Variants in ACOXL observed in about 807,000 individuals in gnomAD.
The protein encoded by ACOXL is acyl-CoA oxidase like.
Under a neutral mutation model 71.9 loss-of-function variants are expected in ACOXL, and 70 were observed. The ratio of observed to expected loss-of-function variants is 0.97; its 90% CI spans 0.80 to 1.19. ACOXL has a LOEUF of 1.19. Among genes scored for constraint, ACOXL ranks in the 50% most tolerant of loss-of-function variants. The pLI, the probability that ACOXL is intolerant of heterozygous loss-of-function variation, is 0.00. For synonymous variants in ACOXL, 253 were observed against 281.6 expected (o/e 0.90, Z 1.02); for missense variants, 703 against 736.3 (o/e 0.95, Z 0.52).
At chr2:110,900,970 C>T (rs2059209796) in intron 10 of ACOXL, among the ~76,000 whole-genome samples, 1 of 152,218 alleles carries the variant, frequency 6.6e-6, no homozygotes, top group African/African-American at 2.4e-5. Flanking sequence ...CTTCTGTGGT[C>T]TCCACGGGGG....
intron 12 of ACOXL, among the ~76,000 whole-genome samples, chr2:110,939,118 A>G (rs913985584): frequency 5.9e-5 from 9 of 152,290 alleles, no homozygotes; most frequent in Non-Finnish European, 1.2e-4. Flanking sequence ...ACTACTCTAA[A>G]CATAGGGCCC....
At chr2:110,954,742 C>G (rs987777398) in intron 12 of ACOXL, among the ~76,000 whole-genome samples, 2 of 152,172 alleles carry the variant, frequency 1.3e-5, no homozygotes, top group African/African-American at 4.8e-5. Flanking sequence ...TTACCAATTT[C>G]TTTGCTCACA....
At chr2:110,998,512 G>C (rs564680587) in intron 14 of ACOXL, among the ~76,000 whole-genome samples, 8 of 152,182 alleles carry the variant, frequency 5.3e-5, no homozygotes, top group Non-Finnish European at 1.0e-4. Context: ...TGCGAATTGC[G>C]CCTTGGTTTG....
chr2:111,092,313 A>C (rs1163675817), intron 16 of ACOXL, among the ~76,000 whole-genome samples: 2 of 152,200 alleles, frequency 1.3e-5, no homozygotes, highest in East Asian at 3.9e-4. Flanking sequence ...AAACTCATTT[A>C]TTGTTGCTTG....
intron 16 of ACOXL, among the ~76,000 whole-genome samples, chr2:111,060,710 A>G (rs2066772054): frequency 6.6e-6 from 1 of 152,260 alleles, no homozygotes; most frequent in Non-Finnish European, 1.5e-5. Flanking sequence ...AATTATCTGG[A>G]AAAGGTTTTA....
At chr2:110,834,761 A>T in intron 9 of ACOXL, among the ~76,000 whole-genome samples, 1 of 152,234 alleles carries the variant, frequency 6.6e-6, no homozygotes. Flanking sequence ...TCTGACCACC[A>T]AAGTCCCCAG....
chr2:110,793,776 C>G, intron 4 of ACOXL, 40 bp downstream of exon 4: 1 of 1,519,334 alleles, frequency 6.6e-7, no homozygotes, highest in Non-Finnish European at 9.1e-7. Flanking sequence ...TATGGAGAGC[C>G]TTAAAAATCT....
intron 12 of ACOXL, among the ~76,000 whole-genome samples, chr2:110,933,984 A>C (rs1158031047): frequency 6.6e-6 from 1 of 152,162 alleles, no homozygotes; most frequent in South Asian, 2.1e-4. Context: ...CCCTTGGGAG[A>C]ACACAGGAAA....
chr2:110,940,959 A>G (rs2060846723), intron 12 of ACOXL, among the ~76,000 whole-genome samples: 1 of 152,232 alleles, frequency 6.6e-6, no homozygotes, highest in Non-Finnish European at 1.5e-5. Context: ...TCTGAGTTCT[A>G]ATTTTTCAAA....
At chr2:111,086,786 TAGTC>T (rs1406127293) in intron 16 of ACOXL, among the ~76,000 whole-genome samples, 1 of 152,062 alleles carries the variant, frequency 6.6e-6, no homozygotes, top group Non-Finnish European at 1.5e-5. Context: ...CTGCTTAACA[TAGTC>T]AGTCCTGGCC....
At chr2:110,752,989 A>C (rs955634170) in intron 1 of ACOXL, among the ~76,000 whole-genome samples, 1 of 152,074 alleles carries the variant, frequency 6.6e-6, no homozygotes, top group African/African-American at 2.4e-5. Flanking sequence ...TTCCCTTCCA[A>C]ATCTCATGCC....
At chr2:110,768,209 T>A (rs575487423) in intron 1 of ACOXL, among the ~76,000 whole-genome samples, 159 bp from the exon 2 acceptor site, 2 of 152,254 alleles carry the variant, frequency 1.3e-5, no homozygotes, top group South Asian at 4.1e-4. Flanking sequence ...TGTCTGGCTG[T>A]ATTGAACACC....
chr2:111,035,265 G>A (rs1026632862), intron 15 of ACOXL, among the ~76,000 whole-genome samples: 5 of 152,144 alleles, frequency 3.3e-5, no homozygotes, highest in Admixed American at 1.3e-4. Flanking sequence ...ATCTGTCTCC[G>A]TTTGTCACCT....
At chr2:110,804,612 A>G (rs1436395107) in intron 8 of ACOXL, among the ~76,000 whole-genome samples, 1 of 151,778 alleles carries the variant, frequency 6.6e-6, no homozygotes, top group East Asian at 1.9e-4. Flanking sequence ...ACAGGAAATA[A>G]AATGTGGTAT....
chr2:110,768,643 C>A (rs1203863130), intron 2 of ACOXL, among the ~76,000 whole-genome samples, 179 bp downstream of exon 2: 1 of 152,038 alleles, frequency 6.6e-6, no homozygotes, highest in African/African-American at 2.4e-5. Context: ...AGTATTTCCT[C>A]ACCCCAGTAG....
intron 12 of ACOXL, among the ~76,000 whole-genome samples, chr2:110,961,317 T>C (rs930788422): frequency 6.6e-6 from 1 of 152,216 alleles, no homozygotes; most frequent in Admixed American, 6.5e-5. Flanking sequence ...AAGGGAATTA[T>C]ATTGCATGTG....
In ACOXL at chr2:110,936,952, A is replaced by G. The variant is rs538824473; in HGVS notation, c.1059+3310A>G. ...AACCTCCGCCTCCTGGGTTCAAGCA[A>G]TTCTCCTCCCTCAGCCTCCTGAGTA... On this transcript the variant is annotated intron_variant, in intron 12 of 17. Transcript: ENST00000439055. 9.2e-5 allele frequency among the ~76,000 whole-genome samples: 14 copies of G among 151,876 alleles called. No individual in the cohort carries two copies. In the South Asian group the frequency reaches 2.3e-3, roughly 25 times the overall value.
At chr2:110,890,157 A>C (rs564936044) in intron 10 of ACOXL, among the ~76,000 whole-genome samples, 7 of 152,090 alleles carry the variant, frequency 4.6e-5, no homozygotes, top group Non-Finnish European at 1.0e-4. Context: ...TTTGTTATTG[A>C]TCTTTTTATT....
At chr2:110,915,042 A>C (rs2059787692) in intron 11 of ACOXL, among the ~76,000 whole-genome samples, 1 of 151,938 alleles carries the variant, frequency 6.6e-6, no homozygotes, top group Admixed American at 6.5e-5. Flanking sequence ...ATGTACAATT[A>C]AGTTATTACT....
Sources: allele counts gnomAD v4.1 joint callset (sites outside exome capture counted in the v4.1 genomes callset), GRCh38; gene constraint gnomAD v4.1.1; transcripts MANE v1.5; gene names NCBI Gene and HGNC (gene_info 2026-07-23, HGNC 2026-07-21).